Variants in EBF2 observed in about 807,000 individuals in gnomAD.
The protein encoded by EBF2 is transcription factor COE2.
Under a neutral mutation model 72.8 loss-of-function variants are expected in EBF2, and 21 were observed. The ratio of observed to expected loss-of-function variants is 0.29; its 90% confidence interval spans 0.20 to 0.42. The LOEUF (loss-of-function observed/expected upper bound fraction) is 0.42, where lower values mean the gene tolerates loss of function less well. EBF2 is among the 10% of genes least tolerant of loss of function. The pLI, the probability that EBF2 is intolerant of heterozygous loss-of-function variation, is 1.00. For missense variants in EBF2, 637 were observed against 731.2 expected, an observed-to-expected ratio of 0.87 and a Z score of 1.49; for synonymous variants, 299 against 274.2, an observed-to-expected ratio of 1.09 and a Z score of -0.89.
intron 6 of EBF2, among the ~76,000 whole-genome samples, chr8:25,990,185 TTA>T (rs1313277652): frequency 2.8e-5 from 4 of 140,870 alleles, no homozygotes; most frequent in African/African-American, 1.1e-4. Flanking sequence ...GAGCTATGGG[TTA>T]TACACACACA....
At chr8:25,982,309 T>G (rs555465867) in intron 6 of EBF2, among the ~76,000 whole-genome samples, 1 of 152,366 alleles carries the variant, frequency 6.6e-6, no homozygotes, top group Non-Finnish European at 1.5e-5. Flanking sequence ...CACACTGAAC[T>G]GCTGATTCTC....
chr8:25,966,033 G>A (rs1419360366), intron 6 of EBF2, among the ~76,000 whole-genome samples: 2 of 152,172 alleles, frequency 1.3e-5, no homozygotes, highest in Non-Finnish European at 2.9e-5. Flanking sequence ...AGTGCAAGGT[G>A]GGAGAAGTTG....
intron 14 of EBF2, among the ~76,000 whole-genome samples, chr8:25,853,915 G>T (rs1245028835): frequency 6.6e-6 from 1 of 151,976 alleles, no homozygotes; most frequent in Non-Finnish European, 1.5e-5. Context: ...ACTCTAGAAG[G>T]ATGTGATATA....
At chr8:25,912,775 G>A (rs1366491184) in intron 6 of EBF2, among the ~76,000 whole-genome samples, 1 of 152,122 alleles carries the variant, frequency 6.6e-6, no homozygotes, top group African/African-American at 2.4e-5. Flanking sequence ...TCCAGATTCT[G>A]AAATGAGTCT....
At chr8:26,033,252 T>A in intron 5 of EBF2, 99 bp from the exon 6 acceptor site, 2 of 1,180,168 alleles carry the variant, frequency 1.7e-6, no homozygotes, top group Non-Finnish European at 2.5e-6. Flanking sequence ...AGACAGAGTC[T>A]GGCTCTGTCA....
intron 6 of EBF2, among the ~76,000 whole-genome samples, chr8:25,973,284 C>A (rs2117191179): frequency 6.6e-6 from 1 of 152,256 alleles, no homozygotes; most frequent in South Asian, 2.1e-4. Flanking sequence ...AACTCTGATT[C>A]CATCCTTTTA....
chr8:25,968,740 TAG>T (rs146783186), intron 6 of EBF2, among the ~76,000 whole-genome samples: 1 of 152,352 alleles, frequency 6.6e-6, no homozygotes, highest in East Asian at 1.9e-4. Context: ...GTATTTTTAG[TAG>T]AGACGGGGTT....
chr8:26,014,238 T>C (rs1805072822), intron 6 of EBF2, among the ~76,000 whole-genome samples: 1 of 152,134 alleles, frequency 6.6e-6, no homozygotes. Flanking sequence ...CTCCACTTAA[T>C]AACAGGCAAC....
At chr8:25,987,157 C>T (rs547057830) in intron 6 of EBF2, among the ~76,000 whole-genome samples, 95 of 152,294 alleles carry the variant, frequency 6.2e-4, no homozygotes, top group African/African-American at 2.2e-3. Context: ...ATATTGGAAT[C>T]TGACTTAGCA....
intron 6 of EBF2, among the ~76,000 whole-genome samples, chr8:25,988,889 T>C (rs191259526): frequency 3.9e-5 from 6 of 152,284 alleles, no homozygotes; most frequent in Admixed American, 3.9e-4. Flanking sequence ...AATCCACAGC[T>C]CTTTCCAAAA....
chr8:25,958,076 A>G (rs964048000), intron 6 of EBF2, among the ~76,000 whole-genome samples: 1 of 152,140 alleles, frequency 6.6e-6, no homozygotes, highest in African/African-American at 2.4e-5. Flanking sequence ...AGCCTCCCAG[A>G]CAGATAACAA....
chr8:26,009,107 GAAAAAAAA>G (rs66503039), intron 6 of EBF2, among the ~76,000 whole-genome samples: 1 of 85,026 alleles, frequency 1.2e-5, no homozygotes, highest in Non-Finnish European at 2.1e-5. Flanking sequence ...GAGTAAAAGC[GAAAAAAAA>G]AAAAAAAAAA....
chr8:26,005,437 T>TATATATA (rs1804847725), intron 6 of EBF2, among the ~76,000 whole-genome samples: 4 of 11,456 alleles, frequency 3.5e-4, no homozygotes, highest in South Asian at 2.4e-3. Context: ...TTATATATAT[T>TATATATA]ATATTATAAA....
intron 6 of EBF2, among the ~76,000 whole-genome samples, chr8:25,947,305 A>G (rs1280791367): frequency 6.6e-6 from 1 of 152,178 alleles, no homozygotes. Context: ...TTCCCTGCTG[A>G]CATGTAAGAT....
chr8:25,932,626 A>T (rs1032513361), intron 6 of EBF2, among the ~76,000 whole-genome samples: 2 of 152,220 alleles, frequency 1.3e-5, no homozygotes, highest in Non-Finnish European at 2.9e-5. Flanking sequence ...TGGCAACTAC[A>T]TCATATGCTG....
At chr8:26,007,608 G>A (rs946653458) in intron 6 of EBF2, among the ~76,000 whole-genome samples, 7 of 152,244 alleles carry the variant, frequency 4.6e-5, no homozygotes, top group African/African-American at 1.7e-4. Context: ...CTGAGAATAT[G>A]GAGAAGTCTA....
chr8:25,873,901 G>A (rs1802478540), intron 10 of EBF2, among the ~76,000 whole-genome samples: 1 of 152,186 alleles, frequency 6.6e-6, no homozygotes, highest in East Asian at 1.9e-4. Context: ...TGTCTCTAGT[G>A]AAACAGCAGC....
At chr8:25,881,534 G>T (rs181799998) in intron 10 of EBF2, among the ~76,000 whole-genome samples, 1 of 152,334 alleles carries the variant, frequency 6.6e-6, no homozygotes, top group East Asian at 1.9e-4. Context: ...TAATGGTAAT[G>T]ACACAGAAGT....
At chr8:25,968,821 G>C (rs1268236701) in intron 6 of EBF2, among the ~76,000 whole-genome samples, 1 of 152,210 alleles carries the variant, frequency 6.6e-6, no homozygotes, top group Non-Finnish European at 1.5e-5. Context: ...GCCTCCCCAA[G>C]TGTTGGGATG....
Sources: gnomAD v4.1 joint callset for allele counts (sites outside exome capture counted in the v4.1 genomes callset) on GRCh38, gnomAD v4.1.1 for gene constraint, MANE v1.5 for transcripts, NCBI Gene and HGNC (gene_info 2026-07-23, HGNC 2026-07-21) for gene names.